The following KLHL9 variants were observed in gnomAD, a reference collection of about 807,000 sequenced individuals.
The protein encoded by KLHL9 is kelch-like protein 9.
Under a neutral mutation model 42.3 loss-of-function variants are expected in KLHL9, and 27 were observed. The observed-to-expected ratio is 0.64, with a 90% CI of 0.47 to 0.88. The LOEUF is 0.88. Ranked by LOEUF, KLHL9 falls within the 40% of genes least tolerant of loss-of-function variation. The pLI is 0.00. For missense variants in KLHL9, 629 were observed against 750.3 expected (o/e 0.84, Z 1.89); for synonymous variants, 274 against 254.4 (o/e 1.08, Z -0.73).
chr9:21,332,885 A>G lies in KLHL9; in HGVS notation c.*121T>C. The G allele has an allele frequency of 4.8e-6, 7 of 1,445,944 alleles. No homozygotes were observed. Among genetic ancestry groups the G allele is most frequent in the Non-Finnish European group, 6.5e-6 (7 of 1,073,500 alleles). 89.6% of individuals were successfully genotyped at this position (1,445,944 alleles called of 1,614,324 possible). ...TTGATAAACATACTAAAAGCCATACAAGACGAATAACATCAGTTACCTTTA... is the reference window on the plus strand; with the variant it reads ...TTGATAAACATACTAAAAGCCATACGAGACGAATAACATCAGTTACCTTTA... On this transcript the variant is annotated 3_prime_UTR_variant, in exon 1 of 1. Coordinates refer to ENST00000359039, the MANE Select transcript of KLHL9 (RefSeq NM_018847.4).
chr9:21,333,907 C>T lies in KLHL9; in HGVS notation c.953G>A (p.Arg318Gln), dbSNP rs1444614585. The change falls in exon 1 of 1, where the codon CGG becomes CAG. Residue 318 changes from arginine (R) to glutamine (Q), a missense_variant. Physicochemically the swap from Arg to Gln is conservative, Grantham distance 43. This residue lies in a region of KLHL9 where 214 missense variants were observed against 305.8 expected (regional missense o/e 0.70). Coordinates refer to ENST00000359039, the MANE Select transcript of KLHL9 (RefSeq NM_018847.4). The surrounding 1 kb of genome is among the most constrained non-coding windows in gnomAD (Gnocchi z 7.5). Reference protein sequence around the residue: ...RQQLVVSKELRMYDERAQEWR... With the variant: ...RQQLVVSKELQMYDERAQEWR... ...TTCTTGTGCCCTTTCATCATACATC[C>T]GTAATTCTTTACTGACAACCAGCTG... 38 of 1,613,940 alleles carry T rather than the reference C, an allele frequency of 2.4e-5. No homozygotes were observed. The highest frequency in any genetic ancestry group is 3.1e-5 in the Non-Finnish European group (37 of 1,180,040).
At position 21,335,333 on chromosome 9, in the gene KLHL9, C is replaced by T. The variant is rs1820252411; in HGVS notation, c.-474G>A. The T allele has an allele frequency of 7.5e-6, 3 of 399,272 alleles. No homozygotes were observed. Among genetic ancestry groups the T allele is most frequent in the African/African-American group, 2.1e-5 (1 of 47,972 alleles). The allele number at this position is 399,272 out of a possible 1,614,324, so 24.7% of individuals were successfully genotyped here. ...CCGGGAACACAGGCCTGGGCCTGGG[C>T]TTGGGCCTAGAATACCGGCCTAGCC... is the stretch of plus-strand genomic sequence containing the variant. On this transcript the variant is annotated 5_prime_UTR_variant, in exon 1 of 1. Transcript: ENST00000359039.
rs74517761 is a variant in KLHL9, at chr9:21,334,884, G to A, written c.-25C>T. ...TGTGAAAGCTTTCCTCTTGCACAGA[G>A]ATGCAAGCCGGATAAAGAAGTTATA... On this transcript the variant is annotated 5_prime_UTR_variant, in exon 1 of 1. Transcript: ENST00000359039. The surrounding 1 kb of genome is among the most constrained non-coding windows in gnomAD (Gnocchi z 5.1). The A allele has an allele frequency of 3.7e-6, 6 of 1,613,680 alleles. No individual in the cohort carries two copies. Among genetic ancestry groups the A allele is most frequent in the Non-Finnish European group, 4.2e-6 (5 of 1,179,948 alleles).
rs780333498 is a variant in KLHL9 at position 21,334,080 on chromosome 9, C to T, written c.780G>A (p.Met260Ile). Residue 260 changes from methionine (M) to isoleucine (I), a missense_variant, in exon 1 of 1, where the codon ATG becomes ATA. Physicochemically the swap from Met to Ile is conservative, Grantham distance 10. Around this residue, in one of 4 missense-constraint regions of KLHL9, gnomAD observed 351 missense variants for 363.1 expected, o/e 0.97. Coordinates refer to ENST00000359039, the MANE Select transcript of KLHL9 (RefSeq NM_018847.4). This position sits in a 1 kb window ranked among gnomAD's most constrained non-coding sequence, Gnocchi z 5.1. ...AATTCACGCAGGTATTGTCTGTTCT[C>T]ATGAAATCTACTGTCTGCACGTAAT... ...LINYVQTVDF[M>I]RTDNTCVNLL... 1 of 1,614,208 alleles carries T rather than the reference C, an allele frequency of 6.2e-7. No individual in the cohort carries two copies. The highest frequency in any genetic ancestry group is 8.5e-7 in the Non-Finnish European group (1 of 1,180,040).
chr9:21,333,034 G>C lies in KLHL9; in HGVS notation c.1826C>G (p.Pro609Arg). 1 of 1,614,162 alleles carries C rather than the reference G, an allele frequency of 6.2e-7. No individual in the cohort carries two copies. The highest frequency in any genetic ancestry group is 2.2e-5 in the East Asian group (1 of 44,880). ...AGAATGATCTGAAGGTGCTGAAAGAGGTGATTCTCTAGAAGGTGACCCAGG... is the reference window on the plus strand; with the variant it reads ...AGAATGATCTGAAGGTGCTGAAAGACGTGATTCTCTAGAAGGTGACCCAGG... ...ENPGSPSRES[P>R]LSAPSDHS is the part of the protein sequence containing the mutation. Residue 609 changes from proline (P) to arginine (R), a missense_variant, in exon 1 of 1, where the codon CCT becomes CGT. By Grantham distance (103) the Pro-to-Arg change is moderately radical. This residue lies in a region of KLHL9 where 61 missense variants were observed against 63.5 expected (regional missense o/e 0.96). Transcript: ENST00000359039. The surrounding 1 kb of genome is among the most constrained non-coding windows in gnomAD (Gnocchi z 7.5).
In KLHL9 at chr9:21,331,494, T is replaced by TTC. The variant is rs1563853248; in HGVS notation, c.*1511_*1512insGA. On this transcript the variant is annotated 3_prime_UTR_variant, in exon 1 of 1. Transcript: ENST00000359039. The stretch of plus-strand genomic sequence containing the variant: ...CTGACAATCTTCCAGGTATAGGGGG[T>TTC]TGTGTGTGTGTATTACACACACACA... The TTC allele has an allele frequency of 6.6e-6, 1 of 150,754 alleles. No homozygotes were observed. Among genetic ancestry groups the TTC allele is most frequent in the Non-Finnish European group, 1.5e-5 (1 of 67,674 alleles). 9.3% of individuals were successfully genotyped at this position (150,754 alleles called of 1,614,324 possible).
chr9:21,333,193 T>C lies in KLHL9; in HGVS notation c.1667A>G (p.Asn556Ser), dbSNP rs757375921. 4 of 1,614,018 alleles carry C rather than the reference T, an allele frequency of 2.5e-6. No individual in the cohort carries two copies. Among genetic ancestry groups the C allele is most frequent in the Non-Finnish European group, 8.5e-7 (1 of 1,179,926 alleles). Residue 556 changes from asparagine (N) to serine (S), a missense_variant, in exon 1 of 1, where the codon AAT becomes AGT. Asn to Ser is a conservative substitution (Grantham distance 46). This residue lies in a region of KLHL9 where 3 missense variants were observed against 17.9 expected (regional missense o/e 0.17). Transcript: ENST00000359039. This position sits in a 1 kb window ranked among gnomAD's most constrained non-coding sequence, Gnocchi z 7.5. Reference protein sequence around the residue: ...KIYVVGGYSWNNRCMVEIVQK... With the variant: ...KIYVVGGYSWSNRCMVEIVQK... ...GACAATTTCTACCATACAACGATTA[T>C]TCCAAGAATATCCACCAACAACATA...
chr9:21,333,390 T>C lies in KLHL9; in HGVS notation c.1470A>G (p.Thr490=). 1 of 1,614,236 alleles carries C rather than the reference T, an allele frequency of 6.2e-7. No individual in the cohort carries two copies. Among genetic ancestry groups the C allele is most frequent in the Non-Finnish European group, 8.5e-7 (1 of 1,180,034 alleles). Residue 490 remains threonine (T), a synonymous_variant, in exon 1 of 1, where the codon ACA becomes ACG. Transcript: ENST00000359039. The surrounding 1 kb of genome is among the most constrained non-coding windows in gnomAD (Gnocchi z 7.5). ...CAATGACATAGAGCTTATCTCCAAC[T>C]GTACACATGCAATGCAGACCTCTGA... is the stretch of plus-strand genomic sequence containing the variant. ...TTVRGLHCMC[T]VGDKLYVIGG... is the part of the protein sequence containing the mutation.
Position 21,333,674 on chromosome 9 carries a change from C to T in KLHL9, c.1186G>A (p.Ala396Thr), listed in dbSNP as rs755569998. 8.1e-6 allele frequency: 13 copies of T among 1,614,106 alleles called. No homozygotes were observed. Among genetic ancestry groups the T allele is most frequent in the African/African-American group, 1.3e-5 (1 of 74,936 alleles). ...NEKRTFFHLSALKGHLYAVGG... is the reference protein window; with the variant it reads ...NEKRTFFHLSTLKGHLYAVGG... ...ACTGCATACAAATGTCCTTTGAGGG[C>T]ACTCAAGTGAAAGAATGTGCGCTTT... The change falls in exon 1 of 1, where the codon GCC becomes ACC. Residue 396 changes from alanine to threonine, a missense_variant. Transcript: ENST00000359039. This position sits in a 1 kb window ranked among gnomAD's most constrained non-coding sequence, Gnocchi z 7.5.
rs1820202913 is a variant in KLHL9 at position 21,333,060 on chromosome 9, G to A, written c.1800C>T (p.Asn600=). Residue 600 remains asparagine (N), a synonymous_variant, in exon 1 of 1, where the codon AAC becomes AAT. Transcript: ENST00000359039. The surrounding 1 kb of genome is among the most constrained non-coding windows in gnomAD (Gnocchi z 7.5). ...GTGATTCTCTAGAAGGTGACCCAGG[G>A]TTTTCTTCAGGTGGAAAAACTGTGA... The part of the protein sequence containing the change: ...CTLTVFPPEE[N]PGSPSRESPL... The A allele has an allele frequency of 1.2e-6, 2 of 1,614,138 alleles. No homozygotes were observed. The highest frequency in any genetic ancestry group is 8.5e-7 in the Non-Finnish European group (1 of 1,180,002).
At position 21,332,578 on chromosome 9, in the gene KLHL9, A is replaced by C. The variant is rs41270127; in HGVS notation, c.*428T>G. ...CTGAATGCAACCACACAATCGAGTAAGTTGACAGACATGACAAAAACTACG... is the reference window on the plus strand; with the variant it reads ...CTGAATGCAACCACACAATCGAGTACGTTGACAGACATGACAAAAACTACG... On this transcript the variant is annotated 3_prime_UTR_variant, in exon 1 of 1. Transcript: ENST00000359039. The C allele has an allele frequency of 0.03, 5,087 of 167,730 alleles. 87 individuals carry two copies. Among genetic ancestry groups the C allele is most frequent in the Middle Eastern group, 0.082 (25 of 306 alleles). 10.4% of individuals were successfully genotyped at this position (167,730 alleles called of 1,614,324 possible).
In KLHL9 at chr9:21,333,665, C is replaced by A; in HGVS notation, c.1195G>T (p.Gly399Ter). The A allele has an allele frequency of 6.2e-7, 1 of 1,614,212 alleles. No individual in the cohort carries two copies. ...CGCCCACCAACTGCATACAAATGTC[C>A]TTTGAGGGCACTCAAGTGAAAGAAT... ...RTFFHLSALK[G>*]HLYAVGGRSA... is the part of the protein sequence containing the mutation. The change falls in exon 1 of 1, where the codon GGA (glycine) becomes TGA (stop). Residue 399 changes from glycine (G) to a stop codon, truncating the protein, a stop_gained. Coordinates refer to ENST00000359039, the MANE Select transcript of KLHL9 (RefSeq NM_018847.4). LOFTEE classifies it high-confidence loss of function. This position sits in a 1 kb window ranked among gnomAD's most constrained non-coding sequence, Gnocchi z 7.5.
Position 21,334,566 on chromosome 9 carries a change from C to G in KLHL9, c.294G>C (p.Val98=), listed in dbSNP as rs146809403. 1.2e-6 allele frequency: 2 copies of G among 1,614,130 alleles called. No homozygotes were observed. Among genetic ancestry groups the G allele is most frequent in the African/African-American group, 2.7e-5 (2 of 75,058 alleles). ...QDLMCIKLHG[V]NKVGLKKIID... ...TGATTTTCTTCAGACCAACCTTGTT[C>G]ACCCCATGAAGCTTAATGCACATCA... The change falls in exon 1 of 1, where the codon GTG becomes GTC. Residue 98 remains valine, a synonymous_variant. Transcript: ENST00000359039. The surrounding 1 kb of genome is among the most constrained non-coding windows in gnomAD (Gnocchi z 5.1).
chr9:21,333,773 T>A lies in KLHL9; in HGVS notation c.1087A>T (p.Lys363Ter). The part of the protein sequence containing the change: ...GGQSNYDTKG[K>*]TAVDTVFRFD... ...CTGAAAACTGTATCAACAGCAGTTTTTCCTTTTGTATCATAATTACTCTGA... is the reference window on the plus strand; with the variant it reads ...CTGAAAACTGTATCAACAGCAGTTTATCCTTTTGTATCATAATTACTCTGA... Residue 363 changes from lysine to a stop codon, truncating the protein, a stop_gained, in exon 1 of 1, where the codon AAA becomes TAA. Coordinates refer to ENST00000359039, the MANE Select transcript of KLHL9 (RefSeq NM_018847.4). LOFTEE classifies it high-confidence loss of function. The surrounding 1 kb of genome is among the most constrained non-coding windows in gnomAD (Gnocchi z 7.5). 1 of 1,614,164 alleles carries A rather than the reference T, an allele frequency of 6.2e-7. No homozygotes were observed. Among genetic ancestry groups the A allele is most frequent in the Non-Finnish European group, 8.5e-7 (1 of 1,180,024 alleles).
Position 21,333,988 on chromosome 9 carries a change from G to A in KLHL9, c.872C>T (p.Thr291Ile). ...GTGAGTGGAGTCAGATCGAATGGCAGTTCTATCTGACTGCATCACTGGCTG... is the reference window on the plus strand; with the variant it reads ...GTGAGTGGAGTCAGATCGAATGGCAATTCTATCTGACTGCATCACTGGCTG... ...YMQPVMQSDR[T>I]AIRSDSTHLV... The change falls in exon 1 of 1, where the codon ACT (threonine) becomes ATT (isoleucine). Residue 291 changes from threonine to isoleucine, a missense_variant. Thr to Ile is a moderately conservative substitution (Grantham distance 89). Transcript: ENST00000359039. The surrounding 1 kb of genome is among the most constrained non-coding windows in gnomAD (Gnocchi z 7.5). 1 of 1,614,060 alleles carries A rather than the reference G, an allele frequency of 6.2e-7. No individual in the cohort carries two copies. Among genetic ancestry groups the A allele is most frequent in the Non-Finnish European group, 8.5e-7 (1 of 1,179,944 alleles).
rs41270131 is a variant in KLHL9, at chr9:21,332,636, C to G, written c.*370G>C. 0.031 allele frequency: 6,200 copies of G among 199,604 alleles called. 111 individuals are homozygous for G. Among genetic ancestry groups the G allele is most frequent in the Middle Eastern group, 0.086 (37 of 428 alleles). The allele number at this position is 199,604 out of a possible 1,614,324, so 12.4% of individuals were successfully genotyped here. A position where few individuals can be genotyped will look rare whatever the true frequency, so the allele number is the denominator to read the frequency against. On this transcript the variant is annotated 3_prime_UTR_variant, in exon 1 of 1. Transcript: ENST00000359039. The stretch of plus-strand genomic sequence containing the variant: ...GGAGGTAACTAGTATTAATACTTGG[C>G]AACCTTTCGTTATTTTTAGTTTAGA...
rs77895351 is a variant in KLHL9, at chr9:21,331,371, G to A, written c.*1635C>T. 0.012 allele frequency: 1,857 copies of A among 152,648 alleles called. 33 individuals are homozygous for A. The highest frequency in any genetic ancestry group is 0.017 in the Non-Finnish European group (1,144 of 68,010). 9.5% of individuals were successfully genotyped at this position (152,648 alleles called of 1,614,324 possible). On this transcript the variant is annotated 3_prime_UTR_variant, in exon 1 of 1. Coordinates refer to ENST00000359039, the MANE Select transcript of KLHL9 (RefSeq NM_018847.4). ...AAATGAATCAACACTTGTATGGGCA[G>A]TAAGGTTCAGACCCCTAGAAGCCAA...
At position 21,334,250 on chromosome 9, in the gene KLHL9, T is replaced by G; in HGVS notation, c.610A>C (p.Ser204Arg). The change falls in exon 1 of 1, where the codon AGT (serine) becomes CGT (arginine). Residue 204 changes from serine (S) to arginine (R), a missense_variant. This residue lies in a region of KLHL9 where 351 missense variants were observed against 363.1 expected (regional missense o/e 0.97). Coordinates refer to ENST00000359039, the MANE Select transcript of KLHL9 (RefSeq NM_018847.4). The surrounding 1 kb of genome is among the most constrained non-coding windows in gnomAD (Gnocchi z 5.1). ...TCGGTACAGTGCTTAAGACTATTAC[T>G]GGAAAGCACAAATGCAAGTCGTTCA... Reference protein sequence around the residue: ...PFERLAFVLSSNSLKHCTELE... With the variant: ...PFERLAFVLSRNSLKHCTELE... 1 of 1,614,160 alleles carries G rather than the reference T, an allele frequency of 6.2e-7. No homozygotes were observed. The highest frequency in any genetic ancestry group is 8.5e-7 in the Non-Finnish European group (1 of 1,180,030).
chr9:21,334,755 C>T lies in KLHL9; in HGVS notation c.105G>A (p.Val35=). The T allele has an allele frequency of 4.3e-6, 7 of 1,612,470 alleles. No individual in the cohort carries two copies. Among genetic ancestry groups the T allele is most frequent in the Non-Finnish European group, 5.9e-6 (7 of 1,179,024 alleles). Residue 35 remains valine, a synonymous_variant, in exon 1 of 1, where the codon GTG becomes GTA. Transcript: ENST00000359039. The surrounding 1 kb of genome is among the most constrained non-coding windows in gnomAD (Gnocchi z 5.1). The stretch of plus-strand genomic sequence containing the variant: ...TAAGCTGATCAAAGCCTTGCAATAC[C>T]ACCGAACTGTGAGTATTGCTGGTAA... ...RFFTSNTHSS[V]VLQGFDQLRI... is the part of the protein sequence containing the mutation.
Sources: allele counts gnomAD v4.1 joint callset, GRCh38; gene constraint gnomAD v4.1.1; regional missense constraint gnomAD v4.1.1; non-coding constraint Gnocchi (gnomAD v3.1); transcripts MANE v1.5; gene names NCBI Gene and HGNC (gene_info 2026-07-23, HGNC 2026-07-21).